DGKB: variants seen among roughly 807,000 people sequenced by gnomAD.
DGKB encodes the protein diacylglycerol kinase beta, also known as 90 kDa diacylglycerol kinase.
Under a neutral mutation model 114.3 loss-of-function variants are expected in DGKB, and 67 were observed. The ratio of observed to expected loss-of-function variants is 0.59; its 90% CI spans 0.48 to 0.72. The LOEUF (loss-of-function observed/expected upper bound fraction) is 0.72. Among genes scored for constraint, DGKB ranks in the 30% least tolerant of loss-of-function variants. The pLI, the probability that DGKB is intolerant of heterozygous loss-of-function variation, is 0.00. For missense variants in DGKB, 907 were observed against 975.2 expected, an observed-to-expected ratio of 0.93 and a Z score of 0.93; for synonymous variants, 398 against 323.1, an observed-to-expected ratio of 1.23 and a Z score of -2.49.
intron 5 of DGKB, among the ~76,000 whole-genome samples, chr7:14,730,633 G>C (rs79802163): frequency 0.012 from 1,782 of 152,226 alleles, 37 homozygotes; most frequent in African/African-American, 0.041. Context: ...TATAGCCTAC[G>C]TGACATGGTG....
At chr7:14,778,987 C>G (rs2128484836) in intron 2 of DGKB, among the ~76,000 whole-genome samples, 1 of 152,180 alleles carries the variant, frequency 6.6e-6, no homozygotes, top group South Asian at 2.1e-4. Flanking sequence ...GAAACCCCAC[C>G]TCTACTAAAA....
chr7:14,465,548 C>T (rs142830904), intron 21 of DGKB, among the ~76,000 whole-genome samples: 302 of 152,228 alleles, frequency 2.0e-3, no homozygotes, highest in African/African-American at 6.5e-3. Context: ...ATTTGCTAGA[C>T]ACTGTTAAAA....
At chr7:14,445,409 T>C (rs919384626) in intron 21 of DGKB, among the ~76,000 whole-genome samples, 2 of 151,922 alleles carry the variant, frequency 1.3e-5, no homozygotes, top group East Asian at 1.9e-4. Context: ...AAAATCCAAA[T>C]AGAACTATCC....
chr7:14,324,844 G>A (rs1227750200), intron 23 of DGKB, among the ~76,000 whole-genome samples: 1 of 151,588 alleles, frequency 6.6e-6, no homozygotes, highest in African/African-American at 2.4e-5. Context: ...GACAATGGAC[G>A]CTTCTGCCTA....
chr7:14,701,325 A>G (rs1825132006), intron 7 of DGKB, among the ~76,000 whole-genome samples: 1 of 152,216 alleles, frequency 6.6e-6, no homozygotes, highest in African/African-American at 2.4e-5. Flanking sequence ...AGTTTCCTTA[A>G]TGCCAAATGT....
Position 14,516,112 on chromosome 7 carries a change from T to C in DGKB, c.1771-37887A>G, listed in dbSNP as rs1788751919. On this transcript the variant is annotated intron_variant, in intron 20 of 25. Transcript: ENST00000402815. ...ATCTGCCCACCTTGGCCTCCCAAAGTGCTAGGATTACAGGCATGAGCCACT... is the reference window on the plus strand; with the variant it reads ...ATCTGCCCACCTTGGCCTCCCAAAGCGCTAGGATTACAGGCATGAGCCACT... 2.6e-5 allele frequency among the ~76,000 whole-genome samples: 4 copies of C among 152,308 alleles called. No homozygotes were observed. The South Asian group carries it at 8.3e-4, about 32-fold the overall frequency.
At chr7:14,904,122 G>C (rs1228921811), upstream of DGKB, among the ~76,000 whole-genome samples, 2 of 152,010 alleles carry the variant, frequency 1.3e-5, no homozygotes, top group African/African-American at 4.8e-5. Flanking sequence ...CCAAAGAATA[G>C]AATACTTCTT....
chr7:14,196,632 T>A, intron 23 of DGKB, among the ~76,000 whole-genome samples: 1 of 152,098 alleles, frequency 6.6e-6, no homozygotes, highest in Non-Finnish European at 1.5e-5. Context: ...AGAAATACAA[T>A]CTCCTTTGTC....
chr7:14,346,479 C>T (rs966125548), intron 21 of DGKB, among the ~76,000 whole-genome samples: 1 of 151,844 alleles, frequency 6.6e-6, no homozygotes, highest in African/African-American at 2.4e-5. Context: ...TTAAAAAATT[C>T]ACAATCCCTT....
At chr7:14,717,336 C>A (rs1265255764) in intron 6 of DGKB, among the ~76,000 whole-genome samples, 1 of 152,082 alleles carries the variant, frequency 6.6e-6, no homozygotes, top group Non-Finnish European at 1.5e-5. Flanking sequence ...CCCAAATGTG[C>A]TCCTGATAAC....
chr7:14,527,418 G>A (rs1259073794), intron 20 of DGKB, among the ~76,000 whole-genome samples: 1 of 151,716 alleles, frequency 6.6e-6, no homozygotes. Flanking sequence ...AAAAGCTGTG[G>A]GTATTATTTT....
chr7:14,694,052 C>T, intron 9 of DGKB, 23 bp downstream of exon 9: 1 of 1,563,160 alleles, frequency 6.4e-7, no homozygotes, highest in Non-Finnish European at 8.7e-7. Flanking sequence ...CACCAGGCCA[C>T]CCTCCTCTGT....
chr7:14,705,342 T>C (rs1474955575), intron 6 of DGKB, among the ~76,000 whole-genome samples: 1 of 148,614 alleles, frequency 6.7e-6, no homozygotes, highest in Non-Finnish European at 1.5e-5. Context: ...CTACGTCTGA[T>C]TGGTGTACCT....
At chr7:14,252,933 T>C (rs1417769835) in intron 23 of DGKB, among the ~76,000 whole-genome samples, 1 of 152,208 alleles carries the variant, frequency 6.6e-6, no homozygotes, top group Admixed American at 6.5e-5. Flanking sequence ...CTTTAATGTA[T>C]GTTTGTTCTC....
chr7:14,922,375 CGTGTGTGTGTGT>C (rs150420213), intron 1 of DGKB, among the ~76,000 whole-genome samples: 6 of 118,214 alleles, frequency 5.1e-5, no homozygotes, highest in Admixed American at 3.1e-4. Flanking sequence ...GTGTATCCAT[CGTGTGTGTGTGT>C]GTGTGTGTGT....
intron 21 of DGKB, among the ~76,000 whole-genome samples, chr7:14,462,154 G>A (rs1833178650): frequency 6.6e-6 from 1 of 152,124 alleles, no homozygotes; most frequent in African/African-American, 2.4e-5. Context: ...ATATCCTACT[G>A]AATGGGCAAA....
rs560051747 is a variant in DGKB, at chr7:14,554,912, T to G, written c.1770+19300A>C. Among the ~76,000 whole-genome samples, 151 of 152,276 alleles carry G rather than the reference T, an allele frequency of 9.9e-4. 1 individual carries two copies. The highest frequency in any genetic ancestry group is 3.6e-3 in the African/African-American group (150 of 41,576). On this transcript the variant is annotated intron_variant, in intron 20 of 25. Transcript: ENST00000402815. ...TCTTTATTATTTTTGTTGAAAACAT[T>G]TTTTGAAATTTAAAAGTTAATGAGT... is the stretch of plus-strand genomic sequence containing the variant.
chr7:14,434,600 AT>A (rs1365438151), intron 21 of DGKB, among the ~76,000 whole-genome samples: 1 of 152,172 alleles, frequency 6.6e-6, no homozygotes, highest in African/African-American at 2.4e-5. Flanking sequence ...GGACACTTTG[AT>A]TCTTGTTCAG....
chr7:14,692,958 T>G (rs2128992895), intron 9 of DGKB, among the ~76,000 whole-genome samples: 1 of 152,168 alleles, frequency 6.6e-6, no homozygotes, highest in East Asian at 1.9e-4. Context: ...CCCATTTATA[T>G]ATTCCTAAAC....
Sources: gnomAD v4.1 joint callset for allele counts (sites outside exome capture counted in the v4.1 genomes callset) on GRCh38, gnomAD v4.1.1 for gene constraint, MANE v1.5 for transcripts, NCBI Gene and HGNC (gene_info 2026-07-23, HGNC 2026-07-21) for gene names.